Variants in PTPRM observed in about 807,000 individuals in gnomAD.
PTPRM encodes receptor-type tyrosine-protein phosphatase mu.
In PTPRM, 47 loss-of-function variants were observed where a neutral mutation model predicts 186.7. That is an observed-to-expected ratio of 0.25 (90% CI 0.20 to 0.32). The LOEUF is 0.32. PTPRM is among the 10% of genes least tolerant of loss of function. The pLI is 1.00. For synonymous variants in PTPRM, 668 were observed against 674.9 expected, an observed-to-expected ratio of 0.99 and a Z score of 0.16; for missense variants, 1,494 against 1,865.0, an observed-to-expected ratio of 0.80 and a Z score of 3.66.
In PTPRM at chr18:7,841,377, C is replaced by T. The variant is rs140078302; in HGVS notation, c.197-46729C>T. On this transcript the variant is annotated intron_variant, in intron 2 of 32. Coordinates refer to ENST00000580170, the MANE Select transcript of PTPRM (RefSeq NM_001105244.2). ...CCTGATCTCAGCTTACTGCAAGCTCCGCCTCCTGGGTTCACGCCATTCTCC... is the reference window on the plus strand; with the variant it reads ...CCTGATCTCAGCTTACTGCAAGCTCTGCCTCCTGGGTTCACGCCATTCTCC... Among the ~76,000 whole-genome samples, 1,027 of 150,192 alleles carry T rather than the reference C, an allele frequency of 6.8e-3. 29 individuals carry two copies. In the East Asian group the frequency reaches 0.089, roughly 13 times the overall value.
At chr18:8,132,877 G>C (rs2092546931) in intron 13 of PTPRM, among the ~76,000 whole-genome samples, 1 of 152,044 alleles carries the variant, frequency 6.6e-6, no homozygotes, top group Non-Finnish European at 1.5e-5. Context: ...ATGAAAGTTT[G>C]GCCAGCAAAT....
chr18:8,153,152 G>T (rs2093049067), intron 14 of PTPRM, among the ~76,000 whole-genome samples: 1 of 152,106 alleles, frequency 6.6e-6, no homozygotes, highest in African/African-American at 2.4e-5. Context: ...TCCATGCCTG[G>T]ACATCCAAAC....
chr18:8,285,306 C>A (rs1199760607), intron 19 of PTPRM, among the ~76,000 whole-genome samples: 2 of 152,200 alleles, frequency 1.3e-5, no homozygotes, highest in Non-Finnish European at 2.9e-5. Context: ...AGGAATCAGT[C>A]AGAGCTGGGA....
At chr18:7,639,169 G>T (rs1284290081) in intron 1 of PTPRM, among the ~76,000 whole-genome samples, 1 of 151,804 alleles carries the variant, frequency 6.6e-6, no homozygotes, top group East Asian at 1.9e-4. Context: ...CCACCTCCAG[G>T]GTTCACGCCA....
At chr18:7,859,083 C>G (rs190374028) in intron 2 of PTPRM, among the ~76,000 whole-genome samples, 48 of 152,280 alleles carry the variant, frequency 3.2e-4, no homozygotes, top group African/African-American at 1.1e-3. Flanking sequence ...ATTTGAGCAG[C>G]TTCACTTATA....
At chr18:7,952,390 G>T (rs938193818) in intron 6 of PTPRM, among the ~76,000 whole-genome samples, 1 of 152,140 alleles carries the variant, frequency 6.6e-6, no homozygotes, top group Non-Finnish European at 1.5e-5. Context: ...CTTTCCCTTT[G>T]GGAAAATTTG....
At chr18:7,966,507 C>G (rs1184288333) in intron 7 of PTPRM, among the ~76,000 whole-genome samples, 1 of 151,828 alleles carries the variant, frequency 6.6e-6, no homozygotes, top group Non-Finnish European at 1.5e-5. Flanking sequence ...GTGAGCGACG[C>G]AGAAGACGGG....
chr18:8,303,182 T>A (rs1314098927), intron 20 of PTPRM, among the ~76,000 whole-genome samples: 1 of 151,888 alleles, frequency 6.6e-6, no homozygotes, highest in African/African-American at 2.4e-5. Flanking sequence ...AGCACTCTCA[T>A]GGAGAGAAGG....
chr18:7,887,578 C>G (rs2048851481), intron 2 of PTPRM, among the ~76,000 whole-genome samples: 1 of 152,088 alleles, frequency 6.6e-6, no homozygotes, highest in Admixed American at 6.6e-5. Context: ...AATCTTTTGT[C>G]TTTCTCTAGG....
intron 7 of PTPRM, among the ~76,000 whole-genome samples, chr18:7,965,553 G>T (rs538678360): frequency 6.6e-6 from 1 of 152,136 alleles, no homozygotes; most frequent in South Asian, 2.1e-4. Flanking sequence ...ACACAGGTAA[G>T]ATTGTTCACC....
chr18:8,124,573 A>C (rs2145850520), intron 13 of PTPRM, among the ~76,000 whole-genome samples: 1 of 152,330 alleles, frequency 6.6e-6, no homozygotes, highest in South Asian at 2.1e-4. Context: ...AACCTACATA[A>C]GTGCATACTC....
At chr18:7,693,044 T>C (rs2039767657) in intron 1 of PTPRM, among the ~76,000 whole-genome samples, 1 of 152,230 alleles carries the variant, frequency 6.6e-6, no homozygotes, top group Admixed American at 6.5e-5. Context: ...ACCAAATGCT[T>C]ACGTGTTGTG....
At chr18:8,097,447 T>C (rs1006763872) in intron 11 of PTPRM, among the ~76,000 whole-genome samples, 6 of 152,188 alleles carry the variant, frequency 3.9e-5, no homozygotes, top group African/African-American at 7.2e-5. Context: ...TGTCCAGTTA[T>C]TAGTACCTGG....
rs571411557 is a variant in PTPRM at position 8,064,603 on chromosome 18, A to G, written c.1133-5083A>G. Among the ~76,000 whole-genome samples the G allele has an allele frequency of 1.6e-4, 25 of 152,344 alleles. No homozygotes were observed. In the East Asian group the frequency reaches 4.2e-3, roughly 26 times the overall value. ...ATATATTCAAATTTATATAATTTTT[A>G]GGATAAGTTTGAATTCGTTCCATTA... On this transcript the variant is annotated intron_variant, in intron 7 of 32. Coordinates refer to ENST00000580170, the MANE Select transcript of PTPRM (RefSeq NM_001105244.2).
chr18:7,872,168 G>A (rs1468028055), intron 2 of PTPRM, among the ~76,000 whole-genome samples: 1 of 152,112 alleles, frequency 6.6e-6, no homozygotes, highest in Non-Finnish European at 1.5e-5. Flanking sequence ...AGCATAAACT[G>A]GAATCATGTA....
In PTPRM at chr18:7,567,755, C is replaced by T. The variant is rs1356658582; in HGVS notation, c.-64C>T. On this transcript the variant is annotated 5_prime_UTR_variant, in exon 1 of 33. Coordinates refer to ENST00000580170, the MANE Select transcript of PTPRM (RefSeq NM_001105244.2). This position sits in a 1 kb window ranked among gnomAD's most constrained non-coding sequence, Gnocchi z 4.3. Reference sequence around the variant, plus strand: ...GCTGCCTCGGAACCAAAGCTCCCGGCCCCCTCCGCCCTCGCGCGCCCACCC... The same window carrying T: ...GCTGCCTCGGAACCAAAGCTCCCGGTCCCCTCCGCCCTCGCGCGCCCACCC... 4 of 1,412,732 alleles carry T rather than the reference C, an allele frequency of 2.8e-6. No homozygotes were observed. Among genetic ancestry groups the T allele is most frequent in the South Asian group, 1.4e-5 (1 of 72,474 alleles). 87.5% of individuals were successfully genotyped at this position (1,412,732 alleles called of 1,614,324 possible). A position where few individuals can be genotyped will look rare whatever the true frequency, so the allele number is the denominator to read the frequency against.
chr18:7,869,380 C>T (rs1308413906), intron 2 of PTPRM, among the ~76,000 whole-genome samples: 5 of 152,156 alleles, frequency 3.3e-5, no homozygotes, highest in Non-Finnish European at 7.4e-5. Flanking sequence ...GTGGGAAAAG[C>T]GTAATATCTG....
chr18:8,030,624 C>T (rs1305277076), intron 7 of PTPRM, among the ~76,000 whole-genome samples: 3 of 152,118 alleles, frequency 2.0e-5, no homozygotes, highest in South Asian at 2.1e-4. Context: ...TTATTGAAAA[C>T]GTTTTGTCTG....
chr18:7,845,505 T>C (rs2145881725), intron 2 of PTPRM, among the ~76,000 whole-genome samples: 1 of 152,302 alleles, frequency 6.6e-6, no homozygotes, highest in Non-Finnish European at 1.5e-5. Flanking sequence ...CTGCAGGATT[T>C]TCTTATGATC....
Sources: allele counts gnomAD v4.1 joint callset (sites outside exome capture counted in the v4.1 genomes callset), GRCh38; gene constraint gnomAD v4.1.1; non-coding constraint Gnocchi (gnomAD v3.1); transcripts MANE v1.5; gene names NCBI Gene and HGNC (gene_info 2026-07-23, HGNC 2026-07-21).